RASSF3: variants seen among roughly 807,000 people sequenced by gnomAD.
The protein encoded by RASSF3 is ras association domain-containing protein 3.
Under a neutral mutation model 19.9 loss-of-function variants are expected in RASSF3, and 19 were observed. The ratio of observed to expected loss-of-function variants is 0.96; its 90% CI spans 0.67 to 1.40. The LOEUF (loss-of-function observed/expected upper bound fraction) is 1.40, where lower values mean the gene tolerates loss of function less well. Ranked by LOEUF, RASSF3 falls within the 40% of genes most tolerant of loss-of-function variation. The pLI, the probability that RASSF3 is intolerant of heterozygous loss-of-function variation, is 0.00. For missense variants in RASSF3, 306 were observed against 289.8 expected (o/e 1.06, Z -0.41); for synonymous variants, 110 against 104.2 (o/e 1.06, Z -0.34).
At chr12:64,542,382 T>C (rs1473400685), downstream of RASSF3, among the ~76,000 whole-genome samples, 1 of 152,190 alleles carries the variant, frequency 6.6e-6, no homozygotes, top group Non-Finnish European at 1.5e-5. Flanking sequence ...TGGGGAAATC[T>C]GTCAGGTTTT....
At chr12:64,654,457 C>T (rs1026518991) in intron 1 of RASSF3, among the ~76,000 whole-genome samples, 6 of 151,930 alleles carry the variant, frequency 3.9e-5, no homozygotes, top group Admixed American at 6.6e-5. Flanking sequence ...TGAACCACTG[C>T]CCCGGCCCCA....
intron 2 of RASSF3, among the ~76,000 whole-genome samples, chr12:64,687,005 T>G (rs1039193421): frequency 6.6e-6 from 1 of 152,176 alleles, no homozygotes; most frequent in Admixed American, 6.5e-5. Flanking sequence ...TTTTGTTTGT[T>G]TTTGAGATGC....
chr12:64,621,235 A>C (rs767008096), intron 1 of RASSF3, among the ~76,000 whole-genome samples: 3 of 152,136 alleles, frequency 2.0e-5, no homozygotes, highest in African/African-American at 7.2e-5. Context: ...TGCGCCTGGC[A>C]CATTCCTTTA....
chr12:64,688,503 G>C, intron 3 of RASSF3, 50 bp downstream of exon 3: 2 of 1,313,002 alleles, frequency 1.5e-6, no homozygotes, highest in Non-Finnish European at 2.2e-6. Context: ...ACTTGCATCT[G>C]CTGTTCTCAT....
At chr12:64,618,337 A>AT (rs916623813) in intron 1 of RASSF3, among the ~76,000 whole-genome samples, 2 of 151,466 alleles carry the variant, frequency 1.3e-5, no homozygotes, top group East Asian at 1.9e-4. Context: ...TTTTATTTTT[A>AT]TTTTTTTTGA....
downstream of RASSF3, among the ~76,000 whole-genome samples, chr12:64,545,899 T>C (rs924232396): frequency 3.3e-5 from 5 of 151,746 alleles, no homozygotes; most frequent in African/African-American, 1.2e-4. Context: ...AGAGAGACCA[T>C]CCTGGCTAAC....
chr12:64,576,671 G>A (rs1869599879), intron 2 of RASSF3, among the ~76,000 whole-genome samples: 3 of 151,954 alleles, frequency 2.0e-5, no homozygotes, highest in Admixed American at 6.6e-5. Flanking sequence ...GGGCAATGTG[G>A]AGAACTCTTG....
upstream of RASSF3, among the ~76,000 whole-genome samples, chr12:64,531,339 C>T (rs1343873): frequency 0.11 from 16,948 of 152,168 alleles, 1,621 homozygotes; most frequent in African/African-American, 0.26. Flanking sequence ...TACCTTTTTA[C>T]CTTTATTGAA....
At chr12:64,662,977 A>G (rs1872421444) in intron 1 of RASSF3, among the ~76,000 whole-genome samples, 1 of 152,250 alleles carries the variant, frequency 6.6e-6, no homozygotes, top group Non-Finnish European at 1.5e-5. Flanking sequence ...TAAGCACTCA[A>G]TAAATTTTAG....
intron 1 of RASSF3, among the ~76,000 whole-genome samples, chr12:64,619,752 C>T (rs995443678): frequency 5.9e-5 from 9 of 152,046 alleles, no homozygotes; most frequent in South Asian, 2.1e-4. Context: ...GAGGCCAAGG[C>T]GGGCGGATCA....
At chr12:64,617,169 T>A (rs1706092060) in intron 1 of RASSF3, among the ~76,000 whole-genome samples, 1 of 152,182 alleles carries the variant, frequency 6.6e-6, no homozygotes, top group African/African-American at 2.4e-5. Flanking sequence ...AACTAGACCA[T>A]AAGCCTTCAC....
At chr12:64,604,317 G>T (rs1870147442) in intron 2 of RASSF3, among the ~76,000 whole-genome samples, 1 of 151,904 alleles carries the variant, frequency 6.6e-6, no homozygotes, top group Non-Finnish European at 1.5e-5. Context: ...GTAGAGACAG[G>T]GTTTCGTGAT....
intron 1 of RASSF3, among the ~76,000 whole-genome samples, chr12:64,670,887 C>G (rs1418093524): frequency 2.0e-5 from 3 of 152,200 alleles, no homozygotes; most frequent in Non-Finnish European, 4.4e-5. Flanking sequence ...CGGATAGACC[C>G]GGGTAGGAAC....
intron 2 of RASSF3, among the ~76,000 whole-genome samples, chr12:64,552,019 G>A (rs1475015952): frequency 2.6e-5 from 4 of 152,184 alleles, no homozygotes; most frequent in Non-Finnish European, 4.4e-5. Context: ...GGGTTTGTTG[G>A]TCCAAGAACA....
chr12:64,666,176 C>T (rs539581463), intron 1 of RASSF3, among the ~76,000 whole-genome samples: 2 of 152,274 alleles, frequency 1.3e-5, no homozygotes, highest in African/African-American at 4.8e-5. Flanking sequence ...TCAAGATAAG[C>T]AATGAGAAGT....
intron 1 of RASSF3, among the ~76,000 whole-genome samples, chr12:64,680,805 G>A (rs1166748617): frequency 6.6e-6 from 1 of 152,064 alleles, no homozygotes; most frequent in African/African-American, 2.4e-5. Context: ...ATAGAGACAA[G>A]GCCACCATGT....
At chr12:64,548,172 T>G (rs1869101276) in intron 2 of RASSF3, among the ~76,000 whole-genome samples, 1 of 152,034 alleles carries the variant, frequency 6.6e-6, no homozygotes, top group South Asian at 2.1e-4. Flanking sequence ...TTTTAAATTT[T>G]TTATTGTATT....
chr12:64,591,014 T>C (rs1177839063), intron 2 of RASSF3, among the ~76,000 whole-genome samples: 1 of 152,206 alleles, frequency 6.6e-6, no homozygotes, highest in Admixed American at 6.5e-5. Flanking sequence ...AGCGAAACCT[T>C]ATCTTTGAGA....
At chr12:64,595,964 C>T (rs779283115) in intron 2 of RASSF3, among the ~76,000 whole-genome samples, 5 of 152,186 alleles carry the variant, frequency 3.3e-5, no homozygotes, top group Non-Finnish European at 4.4e-5. Flanking sequence ...TTCCCTCCCC[C>T]TTTCTTTGTA....
Sources: gnomAD v4.1 joint callset for allele counts (sites outside exome capture counted in the v4.1 genomes callset) on GRCh38, gnomAD v4.1.1 for gene constraint, MANE v1.5 for transcripts, NCBI Gene and HGNC (gene_info 2026-07-23, HGNC 2026-07-21) for gene names.